PREX1: variants seen among roughly 807,000 people sequenced by gnomAD.
The protein encoded by PREX1 is phosphatidylinositol 3,4,5-trisphosphate-dependent Rac exchanger 1 protein.
Under a neutral mutation model 198.3 loss-of-function variants are expected in PREX1, and 41 were observed. That is an observed-to-expected ratio of 0.21 (90% CI 0.16 to 0.27). PREX1 has a LOEUF of 0.27. Ranked by LOEUF, PREX1 falls within the 10% of genes least tolerant of loss-of-function variation. The pLI, the probability that PREX1 is intolerant of heterozygous loss-of-function variation, is 1.00. For synonymous variants in PREX1, 843 were observed against 887.2 expected (o/e 0.95, Z 0.89); for missense variants, 1,620 against 2,200.7 (o/e 0.74, Z 5.28).
At chr20:48,705,326 G>C (rs982562275) in intron 6 of PREX1, among the ~76,000 whole-genome samples, 1 of 152,178 alleles carries the variant, frequency 6.6e-6, no homozygotes, top group Non-Finnish European at 1.5e-5. Context: ...CCAGTCTCAC[G>C]ACAAACAGTG....
At chr20:48,871,983 C>A in the PREX1 span, among the ~76,000 whole-genome samples, 1 of 151,828 alleles carries the variant, frequency 6.6e-6, no homozygotes, top group South Asian at 2.1e-4. Context: ...CATGGTGAAA[C>A]CCCGTCTCTA....
chr20:48,860,050 AGGTCTT>A, the PREX1 span, among the ~76,000 whole-genome samples: 1 of 152,190 alleles, frequency 6.6e-6, no homozygotes, highest in Non-Finnish European at 1.5e-5. Context: ...AAAGAAACCA[AGGTCTT>A]GAACAGATAT....
At chr20:48,741,871 C>T (rs1019719428) in intron 3 of PREX1, among the ~76,000 whole-genome samples, 27 of 152,148 alleles carry the variant, frequency 1.8e-4, no homozygotes, top group Non-Finnish European at 3.4e-4. Context: ...TTGCCATGTT[C>T]TGGAACAGCG....
At chr20:48,727,952 C>T (rs1431301927) in intron 4 of PREX1, among the ~76,000 whole-genome samples, 1 of 152,174 alleles carries the variant, frequency 6.6e-6, no homozygotes, top group Non-Finnish European at 1.5e-5. Context: ...CTGCCATGCC[C>T]TTCACAGTCC....
intron 36 of PREX1, 105 bp downstream of exon 36, chr20:48,630,623 G>T: frequency 9.9e-7 from 1 of 1,008,646 alleles, no homozygotes; most frequent in Non-Finnish European, 1.5e-6. Context: ...GGGCTTTGGG[G>T]CTAGAATCTG....
chr20:48,790,833 A>G (rs111606002), intron 1 of PREX1, among the ~76,000 whole-genome samples: 10 of 152,180 alleles, frequency 6.6e-5, no homozygotes, highest in African/African-American at 2.4e-4. Context: ...CCCAGCCCTC[A>G]GTGCACTCAA....
Position 48,827,845 on chromosome 20 carries a change from C to G in PREX1, c.16G>C (p.Gly6Arg), listed in dbSNP as rs1011039833. 8.1e-6 allele frequency: 8 copies of G among 987,402 alleles called. No individual in the cohort carries two copies. The African/African-American group carries it at 1.4e-4, about 17-fold the overall frequency. 61.2% of individuals were successfully genotyped at this position (987,402 alleles called of 1,614,324 possible). The change falls in exon 1 of 40, where the codon GGC becomes CGC. Residue 6 changes from glycine to arginine, a missense_variant. Gly to Arg is a moderately radical substitution (Grantham distance 125). Around this residue, in one of 7 missense-constraint regions of PREX1, gnomAD observed 96 missense variants for 98.7 expected, o/e 0.97. Coordinates refer to ENST00000371941, the MANE Select transcript of PREX1 (RefSeq NM_020820.4). This position sits in a 1 kb window ranked among gnomAD's most constrained non-coding sequence, Gnocchi z 4.1. The stretch of plus-strand genomic sequence containing the variant: ...GCCCCGTCGCCGCCGGGCTCGCTGC[C>G]GCTGGGCGCCTCCATTCTAGCGCGG... MEAPS[G>R]SEPGGDGAGD... is the part of the protein sequence containing the mutation.
the PREX1 span, among the ~76,000 whole-genome samples, chr20:48,847,825 A>G: frequency 2.6e-5 from 4 of 152,084 alleles, no homozygotes; most frequent in Non-Finnish European, 4.4e-5. Context: ...TCTGATTTCT[A>G]TAAATTAGTT....
At chr20:48,780,712 G>T (rs548954099) in intron 1 of PREX1, among the ~76,000 whole-genome samples, 1 of 152,178 alleles carries the variant, frequency 6.6e-6, no homozygotes, top group Non-Finnish European at 1.5e-5. Flanking sequence ...AGAAAGCCAC[G>T]ACTGGAAGAC....
intron 2 of PREX1, among the ~76,000 whole-genome samples, chr20:48,745,596 C>T (rs1460133104): frequency 6.6e-6 from 1 of 152,186 alleles, no homozygotes; most frequent in African/African-American, 2.4e-5. Context: ...TATTTCCATG[C>T]ACTCATTAAA....
chr20:48,848,061 T>A, the PREX1 span, among the ~76,000 whole-genome samples: 1 of 152,182 alleles, frequency 6.6e-6, no homozygotes, highest in South Asian at 2.1e-4. Context: ...CTTATAAATA[T>A]TGGCCAAGTC....
At chr20:48,688,510 G>A (rs1482156560) in intron 10 of PREX1, 147 bp downstream of exon 10, 11 of 1,006,356 alleles carry the variant, frequency 1.1e-5, no homozygotes, top group Non-Finnish European at 1.6e-5. Flanking sequence ...ATCTCTGAGG[G>A]CTGCTCCATA....
At chr20:48,815,902 C>T (rs900666157) in intron 1 of PREX1, among the ~76,000 whole-genome samples, 9 of 151,696 alleles carry the variant, frequency 5.9e-5, no homozygotes, top group Non-Finnish European at 8.8e-5. Flanking sequence ...CCCCGCTACT[C>T]GGGAGGCTGA....
intron 6 of PREX1, among the ~76,000 whole-genome samples, chr20:48,705,748 G>A (rs1457286320): frequency 6.6e-6 from 1 of 152,146 alleles, no homozygotes; most frequent in Non-Finnish European, 1.5e-5. Flanking sequence ...CTACTTCATA[G>A]AAAACAATTT....
At chr20:48,687,564 T>A (rs73326976) in intron 10 of PREX1, among the ~76,000 whole-genome samples, 1,835 of 152,342 alleles carry the variant, frequency 0.012, 33 homozygotes, top group African/African-American at 0.042. Context: ...ACCCTAGGCC[T>A]CTGCAAAGGC....
intron 1 of PREX1, among the ~76,000 whole-genome samples, chr20:48,768,910 C>T (rs1256274416): frequency 6.6e-6 from 1 of 151,966 alleles, no homozygotes; most frequent in Non-Finnish European, 1.5e-5. Flanking sequence ...GAGCTGTGCA[C>T]TTCACTGTCT....
chr20:48,627,814 GC>G (rs1288752997), intron 38 of PREX1, 46 bp downstream of exon 38: 1 of 1,557,510 alleles, frequency 6.4e-7, no homozygotes, highest in Non-Finnish European at 8.8e-7. Context: ...AGCATGCCAC[GC>G]CCTCAGCCCA....
At chr20:48,801,399 T>C (rs1170916912) in intron 1 of PREX1, among the ~76,000 whole-genome samples, 1 of 152,182 alleles carries the variant, frequency 6.6e-6, no homozygotes, top group Non-Finnish European at 1.5e-5. Context: ...CACACCTGCC[T>C]GCCCTAAGTC....
At chr20:48,742,775 G>T (rs1282057696) in intron 3 of PREX1, among the ~76,000 whole-genome samples, 1 of 152,168 alleles carries the variant, frequency 6.6e-6, no homozygotes, top group Non-Finnish European at 1.5e-5. Context: ...CAGGAATCCT[G>T]CAGAAAGAGA....
Sources: allele counts gnomAD v4.1 joint callset (sites outside exome capture counted in the v4.1 genomes callset), GRCh38; gene constraint gnomAD v4.1.1; regional missense constraint gnomAD v4.1.1; non-coding constraint Gnocchi (gnomAD v3.1); transcripts MANE v1.5; gene names NCBI Gene and HGNC (gene_info 2026-07-23, HGNC 2026-07-21).